MYO9A: variants seen among roughly 807,000 people sequenced by gnomAD.
MYO9A encodes unconventional myosin-IXa.
In MYO9A, 103 loss-of-function variants were observed where a neutral mutation model predicts 293.3. The ratio of observed to expected loss-of-function variants is 0.35; its 90% CI spans 0.30 to 0.41. The LOEUF is 0.41. MYO9A is among the 10% of genes least tolerant of loss of function. MYO9A has a pLI of 1.00. For synonymous variants in MYO9A, 1,001 were observed against 1,035.7 expected, an observed-to-expected ratio of 0.97 and a Z score of 0.64; for missense variants, 2,685 against 3,033.0, an observed-to-expected ratio of 0.89 and a Z score of 2.69.
chr15:71,949,490 ATC>A (rs949235468), intron 15 of MYO9A, among the ~76,000 whole-genome samples: 1 of 148,480 alleles, frequency 6.7e-6, no homozygotes, highest in Non-Finnish European at 1.5e-5. Context: ...CGACCCCTTT[ATC>A]TCTCATTTCC....
chr15:71,945,874 A>G (rs1016607210), intron 15 of MYO9A, among the ~76,000 whole-genome samples: 5 of 152,186 alleles, frequency 3.3e-5, no homozygotes, highest in African/African-American at 1.2e-4. Context: ...ATTTTCATGC[A>G]TATTCTTCAT....
chr15:72,116,913 C>G (rs1220577546), intron 1 of MYO9A: 1 of 152,192 alleles, frequency 6.6e-6, no homozygotes, highest in African/African-American at 2.4e-5. Flanking sequence ...CCACTTTTTT[C>G]AGCCCAACCC....
chr15:71,942,824 T>G (rs2058812829), intron 15 of MYO9A, among the ~76,000 whole-genome samples: 1 of 152,036 alleles, frequency 6.6e-6, no homozygotes, highest in East Asian at 1.9e-4. Context: ...TTTATAAAAT[T>G]GTTGCTTATT....
chr15:72,070,560 A>G (rs996234664), intron 1 of MYO9A, among the ~76,000 whole-genome samples: 5 of 152,102 alleles, frequency 3.3e-5, no homozygotes, highest in African/African-American at 1.2e-4. Context: ...CAATATAGAT[A>G]TACTCAATGA....
chr15:71,934,607 T>G (rs149965200), intron 17 of MYO9A, among the ~76,000 whole-genome samples: 4 of 151,640 alleles, frequency 2.6e-5, no homozygotes, highest in African/African-American at 9.7e-5. Context: ...TTTCCTTTTT[T>G]TTTTTTTCTC....
At chr15:72,026,064 G>C (rs2077656848) in intron 4 of MYO9A, among the ~76,000 whole-genome samples, 1 of 151,812 alleles carries the variant, frequency 6.6e-6, no homozygotes, top group Admixed American at 6.6e-5. Flanking sequence ...ACAAGGTCAG[G>C]AGATCGAGAC....
chr15:72,090,324 T>C lies in MYO9A; in HGVS notation c.-72+27356A>G, dbSNP rs145524065. On this transcript the variant is annotated intron_variant, in intron 1 of 41. Transcript: ENST00000356056. Reference sequence around the variant, plus strand: ...CAAAGTATATTAAATATACCATGCATTTCTTAAAAATTTAGAATTGCATAA... The same window carrying C: ...CAAAGTATATTAAATATACCATGCACTTCTTAAAAATTTAGAATTGCATAA... Among the ~76,000 whole-genome samples the C allele has an allele frequency of 8.8e-3, 1,345 of 152,258 alleles. 38 individuals carry two copies. Among genetic ancestry groups the C allele is most frequent in the East Asian group, 0.045 (233 of 5,182 alleles).
chr15:72,081,924 T>A (rs943154200), intron 1 of MYO9A, among the ~76,000 whole-genome samples: 1 of 152,196 alleles, frequency 6.6e-6, no homozygotes. Flanking sequence ...CATGCTGTTT[T>A]GTTTCCGGTA....
intron 14 of MYO9A, 30 bp from the exon 15 acceptor site, chr15:71,951,926 A>G: frequency 6.4e-7 from 1 of 1,560,268 alleles, no homozygotes; most frequent in African/African-American, 1.4e-5. Flanking sequence ...CAAACAAAAA[A>G]AAAAGGAGAA....
chr15:71,987,898 A>G (rs1039549112), intron 11 of MYO9A, among the ~76,000 whole-genome samples: 1 of 152,164 alleles, frequency 6.6e-6, no homozygotes, highest in Non-Finnish European at 1.5e-5. Flanking sequence ...ATTGCACCAC[A>G]TTGCCCAAAA....
chr15:71,860,983 A>AAAAAAAAAAAAAAAAAAAAAT (rs1280330013), intron 33 of MYO9A, among the ~76,000 whole-genome samples: 1 of 150,730 alleles, frequency 6.6e-6, no homozygotes, highest in Non-Finnish European at 1.5e-5. Context: ...AAAAAAAAAA[A>AAAAAAAAAAAAAAAAAAAAAT]AAAAAAAAAA....
At position 72,092,673 on chromosome 15, in the gene MYO9A, A is replaced by T. The variant is rs905094194; in HGVS notation, c.-72+25007T>A. 4.6e-5 allele frequency among the ~76,000 whole-genome samples: 7 copies of T among 152,360 alleles called. No homozygotes were observed. The South Asian group carries it at 1.0e-3, about 23-fold the overall frequency. On this transcript the variant is annotated intron_variant, in intron 1 of 41. Coordinates refer to ENST00000356056, the MANE Select transcript of MYO9A (RefSeq NM_006901.4). Reference sequence around the variant, plus strand: ...CAATCAGCTCTGCTGTTGTAGCATGAAAACAGCCACAGACAATACATAAAC... The same window carrying T: ...CAATCAGCTCTGCTGTTGTAGCATGTAAACAGCCACAGACAATACATAAAC...
chr15:71,902,141 C>T (rs938818107), intron 22 of MYO9A, among the ~76,000 whole-genome samples: 5 of 151,878 alleles, frequency 3.3e-5, no homozygotes, highest in African/African-American at 1.2e-4. Context: ...AAAGATCCCA[C>T]CTGAGTAACA....
chr15:72,010,573 T>G, intron 6 of MYO9A, 126 bp from the exon 7 acceptor site: 1 of 700,084 alleles, frequency 1.4e-6, no homozygotes, highest in Middle Eastern at 4.0e-4. Context: ...GCTGGTAGAA[T>G]AGTAAGACCT....
intron 16 of MYO9A, among the ~76,000 whole-genome samples, chr15:71,935,862 C>T (rs558383665): frequency 9.9e-5 from 15 of 151,660 alleles, no homozygotes; most frequent in Non-Finnish European, 1.8e-4. Context: ...TACACTATCC[C>T]ATCCTATGGA....
chr15:71,985,127 C>T (rs1410543369), intron 11 of MYO9A, among the ~76,000 whole-genome samples: 1 of 152,160 alleles, frequency 6.6e-6, no homozygotes, highest in East Asian at 1.9e-4. Context: ...ACCATGTTGA[C>T]CAGGCTGGTC....
At chr15:71,874,853 G>A (rs1387757711) in intron 32 of MYO9A, among the ~76,000 whole-genome samples, 1 of 152,126 alleles carries the variant, frequency 6.6e-6, no homozygotes, top group East Asian at 1.9e-4. Flanking sequence ...TGTACATACT[G>A]TTTTTCCCAA....
chr15:71,967,246 T>C (rs929617069), intron 13 of MYO9A, among the ~76,000 whole-genome samples: 4 of 152,180 alleles, frequency 2.6e-5, no homozygotes, highest in Non-Finnish European at 4.4e-5. Context: ...ACACACAATA[T>C]GTATATATGC....
intron 18 of MYO9A, among the ~76,000 whole-genome samples, chr15:71,929,238 T>C (rs140084733): frequency 6.6e-6 from 1 of 152,350 alleles, no homozygotes; most frequent in East Asian, 1.9e-4. Flanking sequence ...AACCACAATA[T>C]CACTTCTTCC....
Sources: gnomAD v4.1 joint callset for allele counts (sites outside exome capture counted in the v4.1 genomes callset) on GRCh38, gnomAD v4.1.1 for gene constraint, MANE v1.5 for transcripts, NCBI Gene and HGNC (gene_info 2026-07-23, HGNC 2026-07-21) for gene names.